The following PEAK1 variants were observed in gnomAD, a reference collection of about 807,000 sequenced individuals.
PEAK1 encodes pseudopodium enriched atypical kinase 1, also known as inactive tyrosine-protein kinase PEAK1.
PEAK1 carries 54 observed loss-of-function variants against 124.7 expected under a neutral mutation model. The observed-to-expected ratio is 0.43, with a 90% CI of 0.35 to 0.54. PEAK1 has a LOEUF of 0.54. Among genes scored for constraint, PEAK1 ranks in the 20% least tolerant of loss-of-function variants. PEAK1 has a pLI of 0.01. For missense variants in PEAK1, 2,046 were observed against 2,134.5 expected, an observed-to-expected ratio of 0.96 and a Z score of 0.82; for synonymous variants, 719 against 760.0, an observed-to-expected ratio of 0.95 and a Z score of 0.89.
intron 6 of PEAK1, among the ~76,000 whole-genome samples, chr15:77,183,817 AATAT>A (rs1370527143): frequency 1.3e-5 from 2 of 152,090 alleles, no homozygotes; most frequent in African/African-American, 4.8e-5. Flanking sequence ...CACTTAACCA[AATAT>A]ATATGATTTT....
Position 77,129,022 on chromosome 15 carries a change from C to T in PEAK1, c.4077+3983G>A, listed in dbSNP as rs115406537. ...TGAATCCTTAACCCCCAATGTGAGACAGTACCTACAAAGAGGTAATTAAGG... is the reference window on the plus strand; with the variant it reads ...TGAATCCTTAACCCCCAATGTGAGATAGTACCTACAAAGAGGTAATTAAGG... On this transcript the variant is annotated intron_variant, in intron 9 of 9. Coordinates refer to ENST00000682557, the MANE Select transcript of PEAK1 (RefSeq NM_001385026.1). Among the ~76,000 whole-genome samples the T allele has an allele frequency of 4.7e-3, 715 of 152,300 alleles. 4 individuals are homozygous for T. The highest frequency in any genetic ancestry group is 0.016 in the African/African-American group (663 of 41,562).
At chr15:77,189,717 A>G (rs1023504275) in intron 6 of PEAK1, among the ~76,000 whole-genome samples, 2 of 152,036 alleles carry the variant, frequency 1.3e-5, no homozygotes, top group African/African-American at 2.4e-5. Context: ...GTCAGGAACC[A>G]CTCTGATTTG....
chr15:77,328,726 C>A (rs1223606303), intron 2 of PEAK1, among the ~76,000 whole-genome samples: 1 of 152,066 alleles, frequency 6.6e-6, no homozygotes, highest in Non-Finnish European at 1.5e-5. Context: ...GTGCCACACA[C>A]AATTCACAGA....
At chr15:77,408,074 CATATATACACAT>C in intron 1 of PEAK1, among the ~76,000 whole-genome samples, 1 of 126,472 alleles carries the variant, frequency 7.9e-6, no homozygotes, top group Non-Finnish European at 1.8e-5. Context: ...CACATATATA[CATATATACACAT>C]ATATACACAC....
chr15:77,402,060 G>A (rs534466556), intron 1 of PEAK1: 58 of 744,218 alleles, frequency 7.8e-5, no homozygotes, highest in Admixed American at 1.9e-4. Context: ...TTAACTGGGC[G>A]TAGAGGCATG....
chr15:77,234,447 AAAT>A (rs1202222631), intron 6 of PEAK1, among the ~76,000 whole-genome samples: 1 of 152,166 alleles, frequency 6.6e-6, no homozygotes, highest in Non-Finnish European at 1.5e-5. Flanking sequence ...TTATTTAAGC[AAAT>A]AATTTAATTT....
At chr15:77,260,757 G>T (rs1459729356) in intron 5 of PEAK1, among the ~76,000 whole-genome samples, 1 of 152,048 alleles carries the variant, frequency 6.6e-6, no homozygotes, top group Non-Finnish European at 1.5e-5. Context: ...ATTTCCAACT[G>T]AGCTTTGAAG....
intron 7 of PEAK1, among the ~76,000 whole-genome samples, chr15:77,176,330 A>G (rs1234786073): frequency 6.6e-6 from 1 of 151,876 alleles, no homozygotes; most frequent in Non-Finnish European, 1.5e-5. Flanking sequence ...TTCAAAAAAA[A>G]AAGAAAAGTT....
chr15:77,208,093 C>T lies in PEAK1; in HGVS notation c.-114-26053G>A, dbSNP rs76428431. On this transcript the variant is annotated intron_variant, in intron 6 of 9. Coordinates refer to ENST00000682557, the MANE Select transcript of PEAK1 (RefSeq NM_001385026.1). ...AAGCAAACTGTGCTTTGCATCTGCCCGTCAACTTAAATCTGTTGCTTTTAT... is the reference window on the plus strand; with the variant it reads ...AAGCAAACTGTGCTTTGCATCTGCCTGTCAACTTAAATCTGTTGCTTTTAT... 9.8e-3 allele frequency among the ~76,000 whole-genome samples: 1,490 copies of T among 152,248 alleles called. 31 individuals carry two copies. The highest frequency in any genetic ancestry group is 0.034 in the African/African-American group (1,426 of 41,538).
Position 77,113,968 on chromosome 15 carries a change from GAC to G in PEAK1, c.*186_*187del. ...TGCAGCTGAATTTCTGTAAAGTTAA[GAC>G]AGACTCAGCTTCTCATTCAATCTGG... On this transcript the variant is annotated 3_prime_UTR_variant, in exon 10 of 10. Coordinates refer to ENST00000682557, the MANE Select transcript of PEAK1 (RefSeq NM_001385026.1). 1.6e-6 allele frequency: 1 copy of G among 625,500 alleles called. No homozygotes were observed. Among genetic ancestry groups the G allele is most frequent in the Non-Finnish European group, 2.7e-6 (1 of 366,298 alleles). The allele number at this position is 625,500 out of a possible 1,614,324, so 38.7% of individuals were successfully genotyped here. A position where few individuals can be genotyped will look rare whatever the true frequency, so the allele number is the denominator to read the frequency against.
chr15:77,209,641 A>G (rs1328694768), intron 6 of PEAK1, among the ~76,000 whole-genome samples: 1 of 152,170 alleles, frequency 6.6e-6, no homozygotes, highest in Non-Finnish European at 1.5e-5. Context: ...TACCTGCACA[A>G]TGGGATGATA....
intron 9 of PEAK1, among the ~76,000 whole-genome samples, chr15:77,119,641 G>A (rs1254323470): frequency 1.3e-5 from 2 of 152,078 alleles, no homozygotes; most frequent in Non-Finnish European, 2.9e-5. Context: ...TCTCAGACTC[G>A]GGTCAAAGAA....
chr15:77,392,907 C>A (rs932741040), intron 1 of PEAK1, among the ~76,000 whole-genome samples: 1 of 152,212 alleles, frequency 6.6e-6, no homozygotes, highest in Non-Finnish European at 1.5e-5. Flanking sequence ...CCGACACCAT[C>A]CCCTCCTCCC....
At chr15:77,352,923 G>A (rs760003753) in intron 2 of PEAK1, 35 of 985,098 alleles carry the variant, frequency 3.6e-5, no homozygotes, top group Non-Finnish European at 4.0e-5. Context: ...ATACACAAAT[G>A]AGCTAATGTA....
chr15:77,259,644 T>C (rs2061339042), intron 5 of PEAK1, among the ~76,000 whole-genome samples: 1 of 152,144 alleles, frequency 6.6e-6, no homozygotes, highest in South Asian at 2.1e-4. Flanking sequence ...ATTAAACAGT[T>C]CCAGGATGAT....
chr15:77,412,777 G>A (rs1029001552), intron 1 of PEAK1, among the ~76,000 whole-genome samples: 1 of 151,922 alleles, frequency 6.6e-6, no homozygotes, highest in African/African-American at 2.4e-5. Flanking sequence ...TTCTAGGGCT[G>A]AGGTAGGAAA....
At chr15:77,263,795 AC>A (rs1245839471) in intron 5 of PEAK1, among the ~76,000 whole-genome samples, 3 of 152,148 alleles carry the variant, frequency 2.0e-5, no homozygotes, top group Non-Finnish European at 2.9e-5. Context: ...TGGCAGAGAC[AC>A]AACAACAAAA....
At chr15:77,241,051 A>C (rs1172032950) in intron 6 of PEAK1, among the ~76,000 whole-genome samples, 1 of 152,222 alleles carries the variant, frequency 6.6e-6, no homozygotes, top group African/African-American at 2.4e-5. Context: ...TAAAAAAATC[A>C]ATAAAAACTA....
intron 1 of PEAK1, chr15:77,403,267 T>C (rs1331505396): frequency 1.0e-6 from 1 of 984,558 alleles, no homozygotes; most frequent in Non-Finnish European, 1.2e-6. Flanking sequence ...AACAACAAGA[T>C]TTCAAATTGT....
Sources: gnomAD v4.1 joint callset for allele counts (sites outside exome capture counted in the v4.1 genomes callset) on GRCh38, gnomAD v4.1.1 for gene constraint, MANE v1.5 for transcripts, NCBI Gene and HGNC (gene_info 2026-07-23, HGNC 2026-07-21) for gene names.